PAX5: variants seen among roughly 807,000 people sequenced by gnomAD.
PAX5 encodes the protein paired box 5.
In PAX5, 9 loss-of-function variants were observed where a neutral mutation model predicts 43.7. The ratio of observed to expected loss-of-function variants is 0.21; its 90% confidence interval spans 0.12 to 0.36. The LOEUF (loss-of-function observed/expected upper bound fraction) is 0.36, where lower values mean the gene tolerates loss of function less well. Among genes scored for constraint, PAX5 ranks in the 10% least tolerant of loss-of-function variants. The probability of loss-of-function intolerance (pLI) is 1.00; values close to 1 mark genes in which losing one functional copy is unlikely to be tolerated. For synonymous variants in PAX5, 228 were observed against 214.3 expected, an observed-to-expected ratio of 1.06 and a Z score of -0.56; for missense variants, 383 against 532.7, an observed-to-expected ratio of 0.72 and a Z score of 2.77.
intron 7 of PAX5, among the ~76,000 whole-genome samples, chr9:36,919,502 A>G (rs1180917121): frequency 6.6e-6 from 1 of 152,222 alleles, no homozygotes; most frequent in African/African-American, 2.4e-5. Flanking sequence ...GGCAAAGTAC[A>G]TTAAAAACGT....
intron 5 of PAX5, among the ~76,000 whole-genome samples, chr9:36,987,978 T>C (rs969217742): frequency 1.3e-5 from 2 of 152,126 alleles, no homozygotes; most frequent in East Asian, 3.9e-4. Flanking sequence ...TCAGAAGTGC[T>C]GGATGGCGTT....
At chr9:36,929,396 G>T (rs146556688) in intron 6 of PAX5, among the ~76,000 whole-genome samples, 1 of 152,036 alleles carries the variant, frequency 6.6e-6, no homozygotes, top group Non-Finnish European at 1.5e-5. Flanking sequence ...CAGTTTTTTC[G>T]AAGCCAAAGG....
rs1198344044 is a variant in PAX5, at chr9:36,841,665, G to A, written c.1100-1029C>T. Among the ~76,000 whole-genome samples the A allele has an allele frequency of 2.0e-5, 3 of 152,340 alleles. No individual in the cohort carries two copies. In the South Asian group the frequency reaches 6.2e-4, roughly 32 times the overall value. On this transcript the variant is annotated intron_variant, in intron 9 of 9. Transcript: ENST00000358127. ...GCCATATGTGGCACCTGCTTAGCTGGATTGGACATGTAAATGAACCAACTT... is the reference window on the plus strand; with the variant it reads ...GCCATATGTGGCACCTGCTTAGCTGAATTGGACATGTAAATGAACCAACTT...
intron 3 of PAX5, 24 bp downstream of exon 3, chr9:37,014,973 C>T (rs1839269857): frequency 5.6e-6 from 9 of 1,605,796 alleles, no homozygotes; most frequent in Non-Finnish European, 6.8e-6. Context: ...AAATCCCCAA[C>T]CCCCACAGGC....
chr9:36,893,139 T>C (rs1373451467), intron 7 of PAX5, among the ~76,000 whole-genome samples: 2 of 152,238 alleles, frequency 1.3e-5, no homozygotes, highest in Non-Finnish European at 2.9e-5. Context: ...TTCTTAAAAC[T>C]AAACACAGTC....
intron 8 of PAX5, among the ~76,000 whole-genome samples, chr9:36,864,956 G>T (rs1335964786): frequency 6.6e-6 from 1 of 152,264 alleles, no homozygotes. Flanking sequence ...TGGCAGGCGG[G>T]CTGGGGTGTG....
intron 5 of PAX5, among the ~76,000 whole-genome samples, chr9:36,982,570 TG>T (rs1252726072): frequency 6.6e-6 from 1 of 151,918 alleles, no homozygotes; most frequent in Admixed American, 6.6e-5. Context: ...TGCAGGAGGA[TG>T]GGGGGTCCTT....
chr9:36,888,393 C>T (rs4880029), intron 7 of PAX5, among the ~76,000 whole-genome samples: 124,563 of 152,126 alleles, frequency 0.82, 52,128 homozygotes, highest in Non-Finnish European at 0.91. Context: ...GAATGCATAA[C>T]GAAAATGTAG....
chr9:36,931,452 T>C (rs867083679), intron 6 of PAX5, among the ~76,000 whole-genome samples: 1 of 152,192 alleles, frequency 6.6e-6, no homozygotes, highest in Non-Finnish European at 1.5e-5. Flanking sequence ...GAACAAGAGA[T>C]GGTGAACCTG....
chr9:36,936,480 G>A (rs748820814), intron 6 of PAX5, among the ~76,000 whole-genome samples: 1 of 152,198 alleles, frequency 6.6e-6, no homozygotes, highest in Non-Finnish European at 1.5e-5. Flanking sequence ...CCACTACATG[G>A]CTAGTAATGG....
intron 8 of PAX5, among the ~76,000 whole-genome samples, chr9:36,847,263 G>A (rs1822682100): frequency 6.6e-6 from 1 of 152,188 alleles, no homozygotes; most frequent in Non-Finnish European, 1.5e-5. Flanking sequence ...TGATGCCCAG[G>A]TCGTCTCACA....
intron 8 of PAX5, among the ~76,000 whole-genome samples, chr9:36,881,578 C>T (rs1004765499): frequency 9.9e-5 from 15 of 151,890 alleles, no homozygotes; most frequent in African/African-American, 3.4e-4. Context: ...TATCCTCAAC[C>T]CCAAGGAGTG....
chr9:36,881,067 A>T (rs1373002779), intron 8 of PAX5, among the ~76,000 whole-genome samples: 4 of 152,236 alleles, frequency 2.6e-5, no homozygotes, highest in African/African-American at 9.7e-5. Flanking sequence ...AGAGGTTTTT[A>T]ATGGTTCTCA....
At chr9:37,020,874 G>A (rs1839789798) in intron 1 of PAX5, 73 bp from the exon 2 acceptor site, 13 of 1,514,306 alleles carry the variant, frequency 8.6e-6, no homozygotes, top group Non-Finnish European at 1.2e-5. Flanking sequence ...GCACCGCTGT[G>A]AGGACCCAGA....
At chr9:36,840,944 T>C (rs144190461) in intron 9 of PAX5, among the ~76,000 whole-genome samples, 3 of 152,326 alleles carry the variant, frequency 2.0e-5, no homozygotes, top group African/African-American at 7.2e-5. Flanking sequence ...AATGCAGGCA[T>C]TGCCCATTAC....
intron 6 of PAX5, among the ~76,000 whole-genome samples, chr9:36,935,068 A>G (rs1207654161): frequency 6.6e-6 from 1 of 152,118 alleles, no homozygotes; most frequent in East Asian, 1.9e-4. Context: ...CCAGAAATGT[A>G]CTCATGGCCT....
chr9:37,006,321 G>C (rs1478098889), intron 4 of PAX5, 152 bp downstream of exon 4: 1 of 535,766 alleles, frequency 1.9e-6, no homozygotes, highest in Non-Finnish European at 3.3e-6. Flanking sequence ...TCATTTACCA[G>C]GTTCAGCCCT....
intron 8 of PAX5, among the ~76,000 whole-genome samples, chr9:36,854,431 A>G (rs1823458457): frequency 6.6e-6 from 1 of 151,906 alleles, no homozygotes; most frequent in African/African-American, 2.4e-5. Context: ...GGATGTGTAC[A>G]CACACACATA....
chr9:36,959,556 C>T (rs935861655), intron 6 of PAX5, among the ~76,000 whole-genome samples: 7 of 152,184 alleles, frequency 4.6e-5, no homozygotes, highest in Non-Finnish European at 8.8e-5. Flanking sequence ...GAGCACAGCC[C>T]CACGAGGAGA....
Sources: gnomAD v4.1 joint callset for allele counts (sites outside exome capture counted in the v4.1 genomes callset) on GRCh38, gnomAD v4.1.1 for gene constraint, MANE v1.5 for transcripts, NCBI Gene and HGNC (gene_info 2026-07-23, HGNC 2026-07-21) for gene names.